Variants in HMCN1 observed in about 807,000 individuals in gnomAD.
The protein encoded by HMCN1 is hemicentin 1.
Under a neutral mutation model 625.9 loss-of-function variants are expected in HMCN1, and 321 were observed. The ratio of observed to expected loss-of-function variants is 0.51; its 90% CI spans 0.47 to 0.56. HMCN1 has a LOEUF of 0.56. Ranked by LOEUF, HMCN1 falls within the 20% of genes least tolerant of loss-of-function variation. The pLI is 0.00. For synonymous variants in HMCN1, 2,425 were observed against 2,417.6 expected, an observed-to-expected ratio of 1.00 and a Z score of -0.09; for missense variants, 6,588 against 6,887.3, an observed-to-expected ratio of 0.96 and a Z score of 1.54.
rs139564393 is a variant in HMCN1, at chr1:186,120,368, A to G, written c.12229+223A>G. Reference sequence around the variant, plus strand: ...TAAGAAAACACAGGCATCTAATCCTATTTTGAACTTCTATGAACCTCTGTT... The same window carrying G: ...TAAGAAAACACAGGCATCTAATCCTGTTTTGAACTTCTATGAACCTCTGTT... On this transcript the variant is annotated intron_variant, in intron 80 of 106. Coordinates refer to ENST00000271588, the MANE Select transcript of HMCN1 (RefSeq NM_031935.3). Among the ~76,000 whole-genome samples, 139 of 152,302 alleles carry G rather than the reference A, an allele frequency of 9.1e-4. 1 individual carries two copies. The highest frequency in any genetic ancestry group is 2.1e-3 in the East Asian group (11 of 5,182).
intron 82 of HMCN1, among the ~76,000 whole-genome samples, chr1:186,126,333 G>A (rs557915612): frequency 3.4e-4 from 52 of 152,120 alleles, no homozygotes; most frequent in African/African-American, 1.2e-3. Context: ...ACTAGCACTG[G>A]TTTAGGCACT....
chr1:186,173,486 C>T (rs1652359248), intron 102 of HMCN1, among the ~76,000 whole-genome samples: 1 of 151,354 alleles, frequency 6.6e-6, no homozygotes, highest in East Asian at 1.9e-4. Context: ...ACTAAAAATA[C>T]AAAAATTAGC....
At chr1:185,979,856 T>C (rs1441292823) in intron 16 of HMCN1, among the ~76,000 whole-genome samples, 2 of 152,102 alleles carry the variant, frequency 1.3e-5, no homozygotes, top group South Asian at 2.1e-4. Flanking sequence ...CTCATTTTGG[T>C]TCATATATTT....
intron 4 of HMCN1, among the ~76,000 whole-genome samples, chr1:185,897,555 G>A (rs762048721): frequency 3.3e-5 from 5 of 152,060 alleles, no homozygotes; most frequent in African/African-American, 7.2e-5. Context: ...TATTGCCTTC[G>A]AACATGTTAT....
Position 186,108,613 on chromosome 1 carries a change from A to T in HMCN1, c.10989+16A>T, listed in dbSNP as rs1168871616. 2.5e-6 allele frequency: 4 copies of T among 1,613,886 alleles called. No individual in the cohort carries two copies. The highest frequency in any genetic ancestry group is 3.4e-6 in the Non-Finnish European group (4 of 1,179,950). ...ACGGTTACAGGTAAATTTTTTGATAAGCTCCACAAATTCCTTTTTGAGATG... is the reference window on the plus strand; with the variant it reads ...ACGGTTACAGGTAAATTTTTTGATATGCTCCACAAATTCCTTTTTGAGATG... On this transcript the variant is annotated intron_variant, in intron 71 of 106. Coordinates refer to ENST00000271588, the MANE Select transcript of HMCN1 (RefSeq NM_031935.3).
In HMCN1 at chr1:186,067,987, G is replaced by T; in HGVS notation, c.7859G>T (p.Arg2620Leu). 6.2e-7 allele frequency: 1 copy of T among 1,613,482 alleles called. No homozygotes were observed. Among genetic ancestry groups the T allele is most frequent in the South Asian group, 1.1e-5 (1 of 91,052 alleles). The change falls in exon 50 of 107, where the codon CGA becomes CTA. Residue 2620 changes from arginine (R) to leucine (L), a missense_variant. Around this residue, in one of 3 missense-constraint regions of HMCN1, gnomAD observed 4,628 missense variants for 4,853.1 expected, o/e 0.95. Transcript: ENST00000271588. ...GATGGCACTCCTTTAGAATCTAACC[G>T]AAATATTCGTATTCTTCCAGGTAAT... ...FKDGTPLESN[R>L]NIRILPGGRT...
intron 1 of HMCN1, among the ~76,000 whole-genome samples, chr1:185,776,238 T>C (rs889051233): frequency 6.6e-6 from 1 of 152,202 alleles, no homozygotes; most frequent in Non-Finnish European, 1.5e-5. Context: ...CTTTAAATTG[T>C]CTCTCTTGTG....
chr1:186,065,239 G>T lies in HMCN1; in HGVS notation c.7515G>T (p.Gly2505=), dbSNP rs41317479. 3.6e-3 allele frequency: 5,831 copies of T among 1,610,864 alleles called. 21 individuals are homozygous for T. The highest frequency in any genetic ancestry group is 4.3e-3 in the Non-Finnish European group (5,113 of 1,179,160). Residue 2505 remains glycine (G), a splice_region_variant and synonymous_variant, in exon 49 of 107, where the codon GGG becomes GGT. Transcript: ENST00000271588. The part of the protein sequence containing the change: ...QSVTLTCEVT[G]NPVPEITWHK... ...ACTCTCAGAAATGGATTTTTACAGG[G>T]AATCCAGTGCCAGAAATTACATGGC...
intron 1 of HMCN1, among the ~76,000 whole-genome samples, chr1:185,784,211 A>G (rs1416474388): frequency 1.3e-5 from 2 of 152,196 alleles, no homozygotes; most frequent in African/African-American, 4.8e-5. Flanking sequence ...AAAGCGCAGT[A>G]TTAGGATGGG....
At chr1:185,932,448 T>G (rs918203864) in intron 10 of HMCN1, among the ~76,000 whole-genome samples, 1 of 152,218 alleles carries the variant, frequency 6.6e-6, no homozygotes, top group Admixed American at 6.5e-5. Context: ...ACTTTCATAT[T>G]AAACTAAAAC....
chr1:186,005,065 TG>T (rs1653463640), intron 29 of HMCN1, among the ~76,000 whole-genome samples: 1 of 151,910 alleles, frequency 6.6e-6, no homozygotes. Flanking sequence ...TAAACATTTT[TG>T]TTTATAAATG....
At chr1:185,883,289 G>T (rs1410427209) in intron 4 of HMCN1, among the ~76,000 whole-genome samples, 1 of 151,948 alleles carries the variant, frequency 6.6e-6, no homozygotes, top group Non-Finnish European at 1.5e-5. Flanking sequence ...GAACTAAAAT[G>T]CAAAATGCAT....
At chr1:185,860,726 T>C (rs761500766) in intron 2 of HMCN1, among the ~76,000 whole-genome samples, 1 of 152,208 alleles carries the variant, frequency 6.6e-6, no homozygotes, top group Admixed American at 6.5e-5. Context: ...ATTATAAAAG[T>C]CCAAGAAATA....
At chr1:185,895,735 A>C (rs1025153139) in intron 4 of HMCN1, among the ~76,000 whole-genome samples, 1 of 152,204 alleles carries the variant, frequency 6.6e-6, no homozygotes, top group African/African-American at 2.4e-5. Context: ...ACAACCAGGT[A>C]GTGATGGAGT....
chr1:186,085,540 G>A (rs1480847103), intron 57 of HMCN1, among the ~76,000 whole-genome samples: 1 of 152,022 alleles, frequency 6.6e-6, no homozygotes, highest in Admixed American at 6.6e-5. Flanking sequence ...GCCACACTGG[G>A]ACTTAGGGCT....
intron 83 of HMCN1, among the ~76,000 whole-genome samples, chr1:186,128,773 G>A (rs1194368810): frequency 2.0e-5 from 3 of 152,036 alleles, no homozygotes; most frequent in African/African-American, 7.2e-5. Flanking sequence ...ACAAGTTAAG[G>A]TCGTGTCTGG....
At chr1:186,088,814 A>C in intron 63 of HMCN1, 59 bp downstream of exon 63, 1 of 1,485,266 alleles carries the variant, frequency 6.7e-7, no homozygotes, top group Non-Finnish European at 9.3e-7. Flanking sequence ...TTATAGTACA[A>C]AATAATCTAC....
At chr1:186,005,134 T>TAATTGTTTA (rs1241441355) in intron 29 of HMCN1, among the ~76,000 whole-genome samples, 3 of 150,108 alleles carry the variant, frequency 2.0e-5, no homozygotes, top group African/African-American at 7.4e-5. Flanking sequence ...AACAATTTTT[T>TAATTGTTTA]AATTGTTTAT....
intron 43 of HMCN1, among the ~76,000 whole-genome samples, chr1:186,053,499 A>G (rs1225190170): frequency 6.6e-6 from 1 of 152,030 alleles, no homozygotes; most frequent in East Asian, 1.9e-4. Flanking sequence ...CCTCCTGAAT[A>G]TAAAATAAAA....
Sources: allele counts gnomAD v4.1 joint callset (sites outside exome capture counted in the v4.1 genomes callset), GRCh38; gene constraint gnomAD v4.1.1; regional missense constraint gnomAD v4.1.1; transcripts MANE v1.5; gene names NCBI Gene and HGNC (gene_info 2026-07-23, HGNC 2026-07-21).